Variants in MMP26 observed in about 807,000 individuals in gnomAD.
MMP26 encodes matrix metallopeptidase 26.
A neutral mutation model predicts 31.0 loss-of-function variants in MMP26; 33 were observed. The ratio of observed to expected loss-of-function variants is 1.06; its 90% confidence interval spans 0.81 to 1.42. The LOEUF is 1.42. Ranked by LOEUF, MMP26 falls within the 40% of genes most tolerant of loss-of-function variation. MMP26 has a pLI of 0.00. For synonymous variants in MMP26, 122 were observed against 114.9 expected (o/e 1.06, Z -0.40); for missense variants, 347 against 316.1 (o/e 1.10, Z -0.74).
chr11:4,813,791 T>C (rs1849382944), intron 2 of MMP26, among the ~76,000 whole-genome samples: 2 of 151,964 alleles, frequency 1.3e-5, no homozygotes, highest in South Asian at 4.2e-4. Flanking sequence ...TTAGCCACAA[T>C]ATAAAAGAAG....
intron 2 of MMP26, chr11:4,907,438 C>G: frequency 3.7e-6 from 6 of 1,613,928 alleles, no homozygotes; most frequent in Non-Finnish European, 5.1e-6. Flanking sequence ...TGGAACATGC[C>G]CACATTTGGT....
intron 2 of MMP26, chr11:4,848,732 T>A: frequency 6.2e-7 from 1 of 1,613,774 alleles, no homozygotes. Flanking sequence ...GACCCAGGCA[T>A]CGAAAAGAAA....
At chr11:4,862,574 T>C (rs11826267) in intron 2 of MMP26, among the ~76,000 whole-genome samples, 2,016 of 152,212 alleles carry the variant, frequency 0.013, 41 homozygotes, top group African/African-American at 0.044. Flanking sequence ...TCCTATGGTG[T>C]CTTTGTTCTC....
chr11:4,956,936 G>GA (rs1285200161), intron 2 of MMP26, among the ~76,000 whole-genome samples: 1 of 152,008 alleles, frequency 6.6e-6, no homozygotes, highest in African/African-American at 2.4e-5. Context: ...TGATGATTTG[G>GA]AATCTTGAAA....
At chr11:4,881,531 T>C (rs1294668632) in intron 2 of MMP26, among the ~76,000 whole-genome samples, 3 of 152,180 alleles carry the variant, frequency 2.0e-5, no homozygotes, top group African/African-American at 7.2e-5. Flanking sequence ...TTCTCATCTC[T>C]ACCCCTCCTG....
intron 2 of MMP26, chr11:4,859,941 T>C (rs543264388): frequency 6.4e-6 from 3 of 470,916 alleles, no homozygotes; most frequent in East Asian, 1.4e-4. Flanking sequence ...CGAGCCCCAG[T>C]GTGAAGATGA....
At chr11:4,855,674 C>T (rs537347076) in intron 2 of MMP26, among the ~76,000 whole-genome samples, 71 of 152,196 alleles carry the variant, frequency 4.7e-4, no homozygotes, top group Middle Eastern at 6.8e-3. Context: ...GAGAACTTCC[C>T]CAACCTAGCA....
At chr11:4,803,601 A>G (rs1226248443) in intron 2 of MMP26, 1 of 1,613,984 alleles carries the variant, frequency 6.2e-7, no homozygotes, top group Non-Finnish European at 8.5e-7. Flanking sequence ...TGAGGAAAGA[A>G]AAAAGGGCTG....
intron 1 of MMP26, among the ~76,000 whole-genome samples, chr11:4,747,957 C>G (rs1725500729): frequency 6.6e-6 from 1 of 151,714 alleles, no homozygotes; most frequent in South Asian, 2.1e-4. Context: ...CTGAGCAGAA[C>G]TAAATGGAAT....
chr11:4,832,586 A>C (rs1849661314), intron 2 of MMP26: 1 of 153,956 alleles, frequency 6.5e-6, no homozygotes, highest in Non-Finnish European at 1.4e-5. Flanking sequence ...GGCTTTTGCC[A>C]TTAAAAGCAT....
chr11:4,911,868 G>C (rs1281392768), intron 2 of MMP26, among the ~76,000 whole-genome samples: 1 of 152,154 alleles, frequency 6.6e-6, no homozygotes, highest in Non-Finnish European at 1.5e-5. Flanking sequence ...AACAGGTTTT[G>C]TTATCCTTTT....
At position 4,880,325 on chromosome 11, in the gene MMP26, T is replaced by C. The variant is rs150347476; in HGVS notation, c.-144-107743T>C. Among the ~76,000 whole-genome samples the C allele has an allele frequency of 5.2e-3, 783 of 151,062 alleles. 8 individuals carry two copies. The highest frequency in any genetic ancestry group is 0.016 in the African/African-American group (674 of 41,082). ...GCAAACGTGGAGAAAAAAACTGAAGTGGGGCAGGGGGAGTTTTTTAAAAAT... is the reference window on the plus strand; with the variant it reads ...GCAAACGTGGAGAAAAAAACTGAAGCGGGGCAGGGGGAGTTTTTTAAAAAT... On this transcript the variant is annotated intron_variant, in intron 2 of 7. Coordinates refer to ENST00000380390, the MANE Select transcript of MMP26 (RefSeq NM_021801.5).
chr11:4,768,870 T>A, intron 2 of MMP26: 2 of 567,150 alleles, frequency 3.5e-6, no homozygotes, highest in Non-Finnish European at 5.9e-6. Context: ...GTTTGGTGAA[T>A]GAAAAATATT....
chr11:4,798,374 C>G (rs942389468), intron 2 of MMP26, among the ~76,000 whole-genome samples: 10 of 152,346 alleles, frequency 6.6e-5, no homozygotes, highest in Non-Finnish European at 1.5e-4. Context: ...CAGGACCTCA[C>G]CCACCTTCAG....
rs1239881161 is a variant in MMP26, at chr11:4,988,286, C to T, written c.75C>T (p.Asp25=). Residue 25 remains aspartate, a synonymous_variant, in exon 3 of 8, where the codon GAC becomes GAT. Coordinates refer to ENST00000380390, the MANE Select transcript of MMP26 (RefSeq NM_021801.5). ...CCGTTCCAGTGCCCCCTGCTGCAGACCATAAAGGATGGGACTTTGTTGAGG... is the reference window on the plus strand; with the variant it reads ...CCGTTCCAGTGCCCCCTGCTGCAGATCATAAAGGATGGGACTTTGTTGAGG... The part of the protein sequence containing the change: ...CFAVPVPPAA[D]HKGWDFVEGY... The T allele has an allele frequency of 1.2e-6, 2 of 1,613,798 alleles. No individual in the cohort carries two copies. Among genetic ancestry groups the T allele is most frequent in the African/African-American group, 1.3e-5 (1 of 74,800 alleles).
At chr11:4,834,604 C>A (rs1012254717) in intron 2 of MMP26, among the ~76,000 whole-genome samples, 1 of 152,162 alleles carries the variant, frequency 6.6e-6, no homozygotes, top group East Asian at 1.9e-4. Flanking sequence ...CTCTAAAGTC[C>A]TTACTGTGAT....
intron 2 of MMP26, among the ~76,000 whole-genome samples, chr11:4,893,994 G>A (rs1236224884): frequency 6.6e-6 from 1 of 151,686 alleles, no homozygotes; most frequent in East Asian, 1.9e-4. Flanking sequence ...ATATTTCAAT[G>A]TTAGTGCAAT....
intron 2 of MMP26, among the ~76,000 whole-genome samples, chr11:4,869,422 C>A (rs1347827735): frequency 6.6e-6 from 1 of 152,182 alleles, no homozygotes; most frequent in African/African-American, 2.4e-5. Flanking sequence ...TGAACAGACA[C>A]TTCTCAAAAG....
At chr11:4,782,529 T>A (rs1161355517) in intron 2 of MMP26, among the ~76,000 whole-genome samples, 1 of 152,222 alleles carries the variant, frequency 6.6e-6, no homozygotes, top group African/African-American at 2.4e-5. Flanking sequence ...TCAGAACATT[T>A]GCAGCCTGAC....
Sources: allele counts gnomAD v4.1 joint callset (sites outside exome capture counted in the v4.1 genomes callset), GRCh38; gene constraint gnomAD v4.1.1; transcripts MANE v1.5; gene names NCBI Gene and HGNC (gene_info 2026-07-23, HGNC 2026-07-21).